The following SSH2 variants were observed in gnomAD, a reference collection of about 807,000 sequenced individuals.
The protein encoded by SSH2 is slingshot protein phosphatase 2.
A neutral mutation model predicts 135.2 loss-of-function variants in SSH2; 37 were observed. That is an observed-to-expected ratio of 0.27 (90% CI 0.21 to 0.36). The LOEUF is 0.36. SSH2 is among the 10% of genes least tolerant of loss of function. The probability of loss-of-function intolerance (pLI) is 1.00; values close to 1 mark genes in which losing one functional copy is unlikely to be tolerated. For synonymous variants in SSH2, 628 were observed against 646.2 expected (o/e 0.97, Z 0.43); for missense variants, 1,408 against 1,765.3 (o/e 0.80, Z 3.63).
intron 3 of SSH2, among the ~76,000 whole-genome samples, chr17:29,744,471 A>G (rs1291004175): frequency 6.6e-6 from 1 of 152,244 alleles, no homozygotes; most frequent in Non-Finnish European, 1.5e-5. Flanking sequence ...GGCTTAATGT[A>G]ACATGGCATT....
chr17:29,669,240 G>C (rs1007911157), intron 9 of SSH2, among the ~76,000 whole-genome samples: 1 of 151,470 alleles, frequency 6.6e-6, no homozygotes, highest in African/African-American at 2.4e-5. Flanking sequence ...ACAACAGTGA[G>C]ACTCCGTCTC....
At chr17:29,874,136 T>G (rs1193490222) in intron 1 of SSH2, among the ~76,000 whole-genome samples, 1 of 151,470 alleles carries the variant, frequency 6.6e-6, no homozygotes, top group Non-Finnish European at 1.5e-5. Flanking sequence ...CTACAGAAAA[T>G]ACAAAAATTA....
In SSH2 at chr17:29,763,796, T is replaced by C. The variant is rs1200150183; in HGVS notation, c.188+30098A>G. On this transcript the variant is annotated intron_variant, in intron 3 of 15. Transcript: ENST00000540801. ...CCCCAGAAGTGCATAGTCCTTTCCTTTCTCCTCAGAAGACCTCTGTCAGTG... is the reference window on the plus strand; with the variant it reads ...CCCCAGAAGTGCATAGTCCTTTCCTCTCTCCTCAGAAGACCTCTGTCAGTG... 3.3e-5 allele frequency among the ~76,000 whole-genome samples: 5 copies of C among 152,188 alleles called. No homozygotes were observed. The East Asian group carries it at 9.6e-4, about 29-fold the overall frequency.
Position 29,636,445 on chromosome 17 carries a change from G to A in SSH2, c.1785C>T (p.Asp595=), listed in dbSNP as rs760927443. ...TTAAGGCTTTGGATGCATGGCAATT[G>A]TCAAGAGGAAATTTTGATTCATTCA... is the stretch of plus-strand genomic sequence containing the variant. ...CCLNESKFPL[D]NCHASKALIQ... The change falls in exon 15 of 16, where the codon GAC becomes GAT. Residue 595 remains aspartate (D), a synonymous_variant. Coordinates refer to ENST00000540801, the MANE Select transcript of SSH2 (RefSeq NM_001282129.2). 6.2e-7 allele frequency: 1 copy of A among 1,614,076 alleles called. No individual in the cohort carries two copies. The highest frequency in any genetic ancestry group is 8.5e-7 in the Non-Finnish European group (1 of 1,180,044).
intron 14 of SSH2, among the ~76,000 whole-genome samples, chr17:29,644,307 C>A (rs1160532530): frequency 1.3e-5 from 2 of 152,184 alleles, no homozygotes; most frequent in Non-Finnish European, 2.9e-5. Flanking sequence ...GCTCCCTCAG[C>A]ACGGGGCTAC....
At chr17:29,730,444 T>C (rs1284213135) in intron 3 of SSH2, among the ~76,000 whole-genome samples, 3 of 150,424 alleles carry the variant, frequency 2.0e-5, no homozygotes, top group African/African-American at 7.3e-5. Flanking sequence ...TTTTCTTTTT[T>C]TTTTTTTTGG....
intron 4 of SSH2, among the ~76,000 whole-genome samples, chr17:29,696,962 G>C (rs1254330288): frequency 6.6e-6 from 1 of 151,624 alleles, no homozygotes; most frequent in Non-Finnish European, 1.5e-5. Flanking sequence ...GGGATTACAG[G>C]CGTGAGCCAC....
rs376516100 is a variant in SSH2, at chr17:29,631,172, G to A, written c.4022C>T (p.Pro1341Leu). Residue 1341 changes from proline to leucine, a missense_variant, in exon 16 of 16, where the codon CCC becomes CTC. Transcript: ENST00000540801. ...DQESLENPGA[P>L]HNPEPTKSFV... ...AGACTTGGTGGGCTCTGGGTTGTGG[G>A]GGGCACCTGGGTTTTCTAGGGACTC... 1 of 1,614,162 alleles carries A rather than the reference G, an allele frequency of 6.2e-7. No individual in the cohort carries two copies. The highest frequency in any genetic ancestry group is 8.5e-7 in the Non-Finnish European group (1 of 1,180,036).
intron 3 of SSH2, among the ~76,000 whole-genome samples, chr17:29,747,608 GT>G (rs2040805010): frequency 6.6e-6 from 1 of 152,170 alleles, no homozygotes; most frequent in Non-Finnish European, 1.5e-5. Flanking sequence ...ACTTAATTAT[GT>G]TAGTTATACA....
At chr17:29,791,678 C>T (rs1446497258) in intron 3 of SSH2, among the ~76,000 whole-genome samples, 4 of 152,106 alleles carry the variant, frequency 2.6e-5, no homozygotes, top group Admixed American at 1.3e-4. Context: ...TTCTTTGCTT[C>T]GAGTCGGACT....
chr17:29,842,872 T>C (rs1317071331), intron 2 of SSH2, among the ~76,000 whole-genome samples: 1 of 152,198 alleles, frequency 6.6e-6, no homozygotes, highest in Non-Finnish European at 1.5e-5. Flanking sequence ...GCAGAAACAA[T>C]TCAAGTAATC....
In SSH2 at chr17:29,720,416, T is replaced by C. The variant is rs1012934918; in HGVS notation, c.189-17354A>G. Among the ~76,000 whole-genome samples, 4 of 152,162 alleles carry C rather than the reference T, an allele frequency of 2.6e-5. 1 individual carries two copies. The highest frequency in any genetic ancestry group is 2.0e-4 in the Admixed American group (3 of 15,274). On this transcript the variant is annotated intron_variant, in intron 3 of 15. Transcript: ENST00000540801. ...GTTTTCTACCTTACTAGGCTGAACA[T>C]AAAAAATATATTGCCAGTAGGACCT...
chr17:29,881,253 T>A (rs1248097328), intron 1 of SSH2, among the ~76,000 whole-genome samples: 1 of 152,240 alleles, frequency 6.6e-6, no homozygotes, highest in Non-Finnish European at 1.5e-5. Flanking sequence ...TGCCAGCATC[T>A]ATACATATGT....
chr17:29,773,466 T>C (rs567952709), intron 3 of SSH2, among the ~76,000 whole-genome samples: 16 of 152,316 alleles, frequency 1.1e-4, no homozygotes, highest in Non-Finnish European at 2.1e-4. Flanking sequence ...CATGAATAGA[T>C]GGCAAACATT....
At chr17:29,635,592 T>C (rs1367954924) in intron 15 of SSH2, among the ~76,000 whole-genome samples, 3 of 151,928 alleles carry the variant, frequency 2.0e-5, no homozygotes, top group Non-Finnish European at 4.4e-5. Context: ...TATTTTTTAG[T>C]AGAGACGGGG....
At chr17:29,683,231 C>T (rs1173294588) in intron 6 of SSH2, among the ~76,000 whole-genome samples, 1 of 152,128 alleles carries the variant, frequency 6.6e-6, no homozygotes, top group Non-Finnish European at 1.5e-5. Context: ...TAATTATCCA[C>T]AGCGTAAAGA....
chr17:29,850,787 C>T (rs1434007963), intron 1 of SSH2, among the ~76,000 whole-genome samples: 2 of 152,130 alleles, frequency 1.3e-5, no homozygotes, highest in Non-Finnish European at 2.9e-5. Flanking sequence ...AGATCAAGAC[C>T]ATCCTGACTA....
chr17:29,677,735 A>T lies in SSH2; in HGVS notation c.486T>A (p.Thr162=). ...GMDFSSNDSS[T]CTMGLVLPLW... ...GAGGCAAAACTAAGCCCATGGTACA[A>T]GTGCTACTGCAAGACAAGAAGTAGT... Residue 162 remains threonine, a synonymous_variant, in exon 7 of 16, where the codon ACT becomes ACA. Transcript: ENST00000540801. 1 of 1,613,708 alleles carries T rather than the reference A, an allele frequency of 6.2e-7. No individual in the cohort carries two copies. Among genetic ancestry groups the T allele is most frequent in the East Asian group, 2.2e-5 (1 of 44,884 alleles).
chr17:29,878,853 T>C (rs1301713235), intron 1 of SSH2, among the ~76,000 whole-genome samples: 1 of 152,158 alleles, frequency 6.6e-6, no homozygotes, highest in Non-Finnish European at 1.5e-5. Flanking sequence ...TTCTGAGCTA[T>C]ATAAAAAATG....
Sources: gnomAD v4.1 joint callset for allele counts (sites outside exome capture counted in the v4.1 genomes callset) on GRCh38, gnomAD v4.1.1 for gene constraint, MANE v1.5 for transcripts, NCBI Gene and HGNC (gene_info 2026-07-23, HGNC 2026-07-21) for gene names.